CCDC12: variants seen among roughly 807,000 people sequenced by gnomAD.
CCDC12 encodes the protein coiled-coil domain containing 12.
A neutral mutation model predicts 25.7 loss-of-function variants in CCDC12; 28 were observed. The ratio of observed to expected loss-of-function variants is 1.09; its 90% CI spans 0.81 to 1.50. CCDC12 has a LOEUF of 1.50. CCDC12 is among the 40% of genes most tolerant of loss of function. The pLI, the probability that CCDC12 is intolerant of heterozygous loss-of-function variation, is 0.00. For missense variants in CCDC12, 198 were observed against 210.0 expected (o/e 0.94, Z 0.35); for synonymous variants, 75 against 87.7 (o/e 0.86, Z 0.81).
intron 2 of CCDC12, among the ~76,000 whole-genome samples, chr3:46,935,070 T>C (rs1430797413): frequency 1.3e-5 from 2 of 152,006 alleles, no homozygotes; most frequent in Admixed American, 1.3e-4. Context: ...TTAGCTGGGG[T>C]GGGAAGTCTC....
chr3:46,945,508 GCT>G (rs1351015547), intron 1 of CCDC12, among the ~76,000 whole-genome samples: 1 of 152,254 alleles, frequency 6.6e-6, no homozygotes. Flanking sequence ...ATACAGCCCT[GCT>G]CAGGACAGAG....
At chr3:46,949,048 G>C (rs761880468) in intron 1 of CCDC12, among the ~76,000 whole-genome samples, 7 of 152,230 alleles carry the variant, frequency 4.6e-5, no homozygotes, top group African/African-American at 7.2e-5. Flanking sequence ...ACAGATTCCA[G>C]AGGTCAATGA....
intron 1 of CCDC12, among the ~76,000 whole-genome samples, chr3:46,941,651 A>G (rs1228491570): frequency 6.6e-6 from 1 of 152,022 alleles, no homozygotes; most frequent in Non-Finnish European, 1.5e-5. Context: ...TCACAGAAAG[A>G]GCTGGATGGC....
chr3:46,973,172 T>C (rs2034857333), intron 1 of CCDC12, among the ~76,000 whole-genome samples: 1 of 143,946 alleles, frequency 6.9e-6, no homozygotes, highest in Non-Finnish European at 1.5e-5. Flanking sequence ...CTGACCAACA[T>C]GGTGACACCC....
chr3:46,963,601 G>A (rs553157899), intron 1 of CCDC12, among the ~76,000 whole-genome samples: 41 of 152,326 alleles, frequency 2.7e-4, no homozygotes, highest in Middle Eastern at 3.4e-3. Context: ...GATCGCAGGC[G>A]CGCGCCGCCA....
intron 1 of CCDC12, 185 bp downstream of exon 1, chr3:46,976,452 G>A (rs544276228): frequency 7.0e-7 from 1 of 1,423,954 alleles, no homozygotes; most frequent in Non-Finnish European, 9.2e-7. Flanking sequence ...CAGCGCCAGA[G>A]GAGTCCCACG....
chr3:46,951,435 C>T (rs953030565), intron 1 of CCDC12, among the ~76,000 whole-genome samples: 2 of 151,894 alleles, frequency 1.3e-5, no homozygotes, highest in Admixed American at 6.5e-5. Flanking sequence ...AGAAACATCA[C>T]GTTGTACACC....
chr3:46,942,400 T>G (rs892592316), intron 1 of CCDC12, among the ~76,000 whole-genome samples: 1 of 152,264 alleles, frequency 6.6e-6, no homozygotes, highest in African/African-American at 2.4e-5. Context: ...AGCAGTGTTC[T>G]AAGAGAGATC....
chr3:46,939,476 G>C (rs1190967818), intron 2 of CCDC12, among the ~76,000 whole-genome samples: 2 of 152,008 alleles, frequency 1.3e-5, no homozygotes, highest in African/African-American at 4.8e-5. Context: ...GAAGACCAAA[G>C]GGCCTCTAAT....
Position 46,960,813 on chromosome 3 carries a change from C to T in CCDC12, c.96+15824G>A, listed in dbSNP as rs112911009. Among the ~76,000 whole-genome samples, 1,336 of 152,298 alleles carry T rather than the reference C, an allele frequency of 8.8e-3. 20 individuals carry two copies. The highest frequency in any genetic ancestry group is 0.031 in the African/African-American group (1,274 of 41,550). On this transcript the variant is annotated intron_variant, in intron 1 of 6. Transcript: ENST00000683445. ...ACAACTGGCTTAGAAACAGCAAGTCCGTCTCAGCTGCTGAAGGTGTATGTG... is the reference window on the plus strand; with the variant it reads ...ACAACTGGCTTAGAAACAGCAAGTCTGTCTCAGCTGCTGAAGGTGTATGTG...
chr3:46,979,768 C>T (rs1367178660), upstream of CCDC12: 2 of 350,886 alleles, frequency 5.7e-6, no homozygotes, highest in Non-Finnish European at 1.0e-5. Flanking sequence ...GGAGTGACGC[C>T]CTCCGCCCAT....
At chr3:46,976,508 T>A in intron 1 of CCDC12, 129 bp downstream of exon 1, 4 of 1,441,548 alleles carry the variant, frequency 2.8e-6, no homozygotes, top group South Asian at 1.5e-5. Context: ...TTCTCGCGCA[T>A]GCGTTAGCGC....
chr3:46,969,634 C>T (rs930651421), intron 1 of CCDC12, among the ~76,000 whole-genome samples: 3 of 152,212 alleles, frequency 2.0e-5, no homozygotes, highest in Non-Finnish European at 2.9e-5. Context: ...AAATCAGCAT[C>T]TGATGGAGAT....
intron 1 of CCDC12, among the ~76,000 whole-genome samples, chr3:46,966,597 T>C (rs11709876): frequency 0.95 from 143,885 of 152,196 alleles, 68,572 homozygotes; most frequent in East Asian, 1. Flanking sequence ...ACCTGAGCAC[T>C]AGCAAGAAGG....
At position 46,976,583 on chromosome 3, in the gene CCDC12, C is replaced by T. The variant is rs2035001358; in HGVS notation, c.96+54G>A. 4.5e-6 allele frequency: 7 copies of T among 1,572,592 alleles called. No individual in the cohort carries two copies. In the Admixed American group the frequency reaches 1.3e-4, roughly 29 times the overall value. On this transcript the variant is annotated intron_variant, in intron 1 of 6. Coordinates refer to ENST00000683445, the MANE Select transcript of CCDC12 (RefSeq NM_001277074.2). ...GCCCTTTGCTCTCCTCAAGCGCGACCCGGACCCCGAACGCTGGACGCCTCA... is the reference window on the plus strand; with the variant it reads ...GCCCTTTGCTCTCCTCAAGCGCGACTCGGACCCCGAACGCTGGACGCCTCA...
intron 1 of CCDC12, among the ~76,000 whole-genome samples, chr3:46,974,056 G>T (rs1396404640): frequency 6.6e-6 from 1 of 152,232 alleles, no homozygotes; most frequent in Non-Finnish European, 1.5e-5. Flanking sequence ...CAACATGGAT[G>T]AAGTGTGAAG....
In CCDC12 at chr3:46,955,048, T is replaced by C. The variant is rs915778505; in HGVS notation, c.97-13983A>G. 2.0e-5 allele frequency among the ~76,000 whole-genome samples: 3 copies of C among 152,208 alleles called. No homozygotes were observed. The East Asian group carries it at 5.8e-4, about 29-fold the overall frequency. On this transcript the variant is annotated intron_variant, in intron 1 of 6. Coordinates refer to ENST00000683445, the MANE Select transcript of CCDC12 (RefSeq NM_001277074.2). ...TGACCAACTAAAATGCCCAGTTCTT[T>C]TCCAATGTTAACGGCTGTCAAAGCA...
rs569272435 is a variant in CCDC12, at chr3:46,976,736, G to A, written c.-4C>T. 1.2e-6 allele frequency: 2 copies of A among 1,601,672 alleles called. No homozygotes were observed. The highest frequency in any genetic ancestry group is 1.7e-6 in the Non-Finnish European group (2 of 1,174,332). Reference sequence around the variant, plus strand: ...CACCAGCCGTAGTTGCCTCCATCTTGCCCGCGTACGCCCCTCCTTTTCTCC... The same window carrying A: ...CACCAGCCGTAGTTGCCTCCATCTTACCCGCGTACGCCCCTCCTTTTCTCC... On this transcript the variant is annotated 5_prime_UTR_variant, in exon 1 of 7. Transcript: ENST00000683445.
chr3:46,979,634 A>G (rs13062681), upstream of CCDC12: 161,454 of 305,436 alleles, frequency 0.53, 44,634 homozygotes, highest in Non-Finnish European at 0.58. Flanking sequence ...CGGTGACTGC[A>G]GCGAAGTGCA....
Sources: allele counts gnomAD v4.1 joint callset (sites outside exome capture counted in the v4.1 genomes callset), GRCh38; gene constraint gnomAD v4.1.1; transcripts MANE v1.5; gene names NCBI Gene and HGNC (gene_info 2026-07-23, HGNC 2026-07-21).